DCAF6: variants seen among roughly 807,000 people sequenced by gnomAD.
The protein encoded by DCAF6 is DDB1- and CUL4-associated factor 6.
In DCAF6, 54 loss-of-function variants were observed where a neutral mutation model predicts 125.1. The observed-to-expected ratio is 0.43, with a 90% CI of 0.35 to 0.54. The LOEUF (loss-of-function observed/expected upper bound fraction) is 0.54. Ranked by LOEUF, DCAF6 falls within the 20% of genes least tolerant of loss-of-function variation. The pLI is 0.01. For missense variants in DCAF6, 934 were observed against 1,161.7 expected (o/e 0.80, Z 2.85); for synonymous variants, 371 against 390.4 (o/e 0.95, Z 0.58).
chr1:167,915,820 T>C, the DCAF6 span, among the ~76,000 whole-genome samples: 1 of 152,212 alleles, frequency 6.6e-6, no homozygotes, highest in Admixed American at 6.5e-5. Flanking sequence ...CTTATCTCAA[T>C]CTTTAGAACA....
At chr1:167,896,495 T>A in the DCAF6 span, 1 of 950,156 alleles carries the variant, frequency 1.1e-6, no homozygotes, top group Non-Finnish European at 1.7e-6. Context: ...AGGAGCTGTG[T>A]TGAGGAGCCC....
chr1:167,920,049 T>A, the DCAF6 span: 1 of 1,613,544 alleles, frequency 6.2e-7, no homozygotes. Flanking sequence ...AGACTCCAAT[T>A]TTTTGGAATA....
chr1:167,928,022 C>G, the DCAF6 span, among the ~76,000 whole-genome samples: 3 of 152,048 alleles, frequency 2.0e-5, no homozygotes, highest in African/African-American at 7.2e-5. Context: ...AGTTTAATAT[C>G]TATAACTGCA....
intron 10 of DCAF6, among the ~76,000 whole-genome samples, chr1:168,007,312 A>T (rs546549271): frequency 1.3e-5 from 2 of 152,020 alleles, no homozygotes; most frequent in Non-Finnish European, 2.9e-5. Context: ...TGGCCTTAAC[A>T]TGCTCTTATT....
chr1:168,060,583 C>A (rs1233694446), intron 17 of DCAF6, among the ~76,000 whole-genome samples: 3 of 152,136 alleles, frequency 2.0e-5, no homozygotes, highest in Admixed American at 6.5e-5. Context: ...TTAATTTTGT[C>A]CATACATCTT....
chr1:167,930,979 T>C (rs554819663), upstream of DCAF6, among the ~76,000 whole-genome samples: 188 of 152,320 alleles, frequency 1.2e-3, 1 homozygote, highest in Non-Finnish European at 1.7e-3. Flanking sequence ...CCAGGCTGGA[T>C]TGAGTGCAGT....
the DCAF6 span, among the ~76,000 whole-genome samples, chr1:167,889,099 G>A: frequency 1.3e-5 from 2 of 152,040 alleles, no homozygotes; most frequent in African/African-American, 2.4e-5. Context: ...GATTACATAG[G>A]ACTTCCAGTA....
chr1:167,915,138 T>C, the DCAF6 span, among the ~76,000 whole-genome samples: 2 of 152,196 alleles, frequency 1.3e-5, no homozygotes, highest in Non-Finnish European at 2.9e-5. Context: ...CTCATTAACA[T>C]TCAACCTTTC....
intron 2 of DCAF6, among the ~76,000 whole-genome samples, chr1:167,958,691 A>G (rs1385943314): frequency 6.6e-6 from 1 of 152,192 alleles, no homozygotes; most frequent in African/African-American, 2.4e-5. Flanking sequence ...GTGTTTACTA[A>G]ATGACAGTCA....
intron 5 of DCAF6, among the ~76,000 whole-genome samples, chr1:167,989,127 C>T (rs1446385598): frequency 6.6e-6 from 1 of 152,078 alleles, no homozygotes; most frequent in Admixed American, 6.5e-5. Flanking sequence ...ACAGTTTAAT[C>T]AGTTTTTTTG....
upstream of DCAF6, among the ~76,000 whole-genome samples, chr1:167,931,185 G>C (rs1670898753): frequency 6.6e-6 from 1 of 152,184 alleles, no homozygotes; most frequent in Admixed American, 6.5e-5. Flanking sequence ...ACACGCCTCG[G>C]CCTCCCAAAG....
At chr1:167,977,950 CCT>C (rs1678508441) in intron 4 of DCAF6, among the ~76,000 whole-genome samples, 1 of 151,986 alleles carries the variant, frequency 6.6e-6, no homozygotes, top group Non-Finnish European at 1.5e-5. Flanking sequence ...TTCTAATACC[CCT>C]GTTTTTCTGT....
intron 4 of DCAF6, among the ~76,000 whole-genome samples, chr1:167,983,632 T>C (rs1302225306): frequency 1.3e-5 from 2 of 152,208 alleles, no homozygotes; most frequent in Non-Finnish European, 2.9e-5. Flanking sequence ...CTTGGGTCCT[T>C]CTTTGGCATG....
intron 2 of DCAF6, among the ~76,000 whole-genome samples, chr1:167,964,660 T>A (rs73026119): frequency 0.075 from 11,468 of 152,322 alleles, 539 homozygotes; most frequent in Middle Eastern, 0.1. Context: ...CCTCTGGTAT[T>A]CACATTATAC....
the DCAF6 span, among the ~76,000 whole-genome samples, chr1:167,863,643 C>T: frequency 1.3e-5 from 2 of 152,204 alleles, no homozygotes; most frequent in South Asian, 2.1e-4. Context: ...GCGGCTTTAG[C>T]CTGCCCTGTG....
At chr1:167,983,587 C>T (rs1435834521) in intron 4 of DCAF6, among the ~76,000 whole-genome samples, 3 of 152,210 alleles carry the variant, frequency 2.0e-5, no homozygotes, top group Non-Finnish European at 2.9e-5. Context: ...TGTTCAGAGC[C>T]TCAAGGTCAG....
At position 167,936,939 on chromosome 1, in the gene DCAF6, C is replaced by T. The variant is rs904940635; in HGVS notation, c.28C>T (p.Leu10=). MSRGGSYPH[L]LWDVRKRSLG... is the part of the protein sequence containing the mutation. ...GTCTCGGGGTGGCTCCTACCCACAC[C>T]TGTTGTGGGACGTGAGGAAAAGGTC... Residue 10 remains leucine, a synonymous_variant, in exon 1 of 22, where the codon CTG becomes TTG. Transcript: ENST00000367840. 3 of 1,609,660 alleles carry T rather than the reference C, an allele frequency of 1.9e-6. No individual in the cohort carries two copies. Among genetic ancestry groups the T allele is most frequent in the Non-Finnish European group, 2.5e-6 (3 of 1,178,756 alleles).
At position 167,951,803 on chromosome 1, in the gene DCAF6, G is replaced by A; in HGVS notation, c.101G>A (p.Arg34Lys). ...TTTGTTCTTTCTTTTTAAACAGGAAGAAGAGAATTTATCCAAAGATTAAAA... is the reference window on the plus strand; with the variant it reads ...TTTGTTCTTTCTTTTTAAACAGGAAAAAGAGAATTTATCCAAAGATTAAAA... ...PSRLRSRYLG[R>K]REFIQRLKLE... Residue 34 changes from arginine (R) to lysine (K), a missense_variant, in exon 2 of 22, where the codon AGA becomes AAA. Physicochemically the swap from Arg to Lys is conservative, Grantham distance 26 (BLOSUM62 2). Transcript: ENST00000367840. 1.3e-6 allele frequency: 2 copies of A among 1,581,530 alleles called. No individual in the cohort carries two copies. The highest frequency in any genetic ancestry group is 1.7e-6 in the Non-Finnish European group (2 of 1,151,366).
At chr1:167,904,555 T>G in the DCAF6 span, 1 of 372,972 alleles carries the variant, frequency 2.7e-6, no homozygotes, top group South Asian at 4.7e-5. Context: ...CTTCTTTAAC[T>G]GGGAATAAAA....
Sources: allele counts gnomAD v4.1 joint callset (sites outside exome capture counted in the v4.1 genomes callset), GRCh38; gene constraint gnomAD v4.1.1; transcripts MANE v1.5; gene names NCBI Gene and HGNC (gene_info 2026-07-23, HGNC 2026-07-21).